EDAR: variants seen among roughly 807,000 people sequenced by gnomAD.
EDAR encodes ectodysplasin A receptor, also known as tumor necrosis factor receptor superfamily member EDAR.
EDAR carries 38 observed loss-of-function variants against 51.3 expected under a neutral mutation model. The observed-to-expected ratio is 0.74, with a 90% CI of 0.57 to 0.97. The LOEUF is 0.97. Ranked by LOEUF, EDAR falls within the 50% of genes least tolerant of loss-of-function variation. The pLI, the probability that EDAR is intolerant of heterozygous loss-of-function variation, is 0.00. For synonymous variants in EDAR, 227 were observed against 242.1 expected, an observed-to-expected ratio of 0.94 and a Z score of 0.58; for missense variants, 528 against 595.0, an observed-to-expected ratio of 0.89 and a Z score of 1.17.
chr2:108,948,439 C>G (rs1558826628), intron 1 of EDAR, among the ~76,000 whole-genome samples: 1 of 152,184 alleles, frequency 6.6e-6, no homozygotes, highest in Non-Finnish European at 1.5e-5. Context: ...TCTACCAGTA[C>G]CAATTCTCTG....
intron 1 of EDAR, among the ~76,000 whole-genome samples, chr2:108,987,922 T>C (rs1255876965): frequency 1.3e-5 from 2 of 152,258 alleles, no homozygotes; most frequent in African/African-American, 2.4e-5. Flanking sequence ...TTCTCTATTT[T>C]AGATGCCTGG....
intron 1 of EDAR, among the ~76,000 whole-genome samples, chr2:108,939,597 G>T (rs1697549962): frequency 7.3e-6 from 1 of 137,872 alleles, no homozygotes; most frequent in Admixed American, 7.2e-5. Context: ...CTGGGAGGAG[G>T]AGAACATGTC....
At chr2:108,941,631 G>A (rs6757507) in intron 1 of EDAR, among the ~76,000 whole-genome samples, 3,601 of 152,292 alleles carry the variant, frequency 0.024, 79 homozygotes, top group African/African-American at 0.057. Flanking sequence ...CCTTGGCCCA[G>A]AGGCACCCAG....
At chr2:108,906,495 G>A (rs1001585061) in intron 10 of EDAR, 127 bp from the exon 11 acceptor site, 25 of 959,566 alleles carry the variant, frequency 2.6e-5, no homozygotes, top group Admixed American at 3.9e-5. Flanking sequence ...CACAGCCCCC[G>A]TGTCAGCAGC....
chr2:108,903,940 T>G (rs1027659782), intron 11 of EDAR, among the ~76,000 whole-genome samples: 12 of 152,148 alleles, frequency 7.9e-5, no homozygotes, highest in African/African-American at 2.9e-4. Flanking sequence ...AAGAAAACTT[T>G]ATAATTAGTT....
intron 1 of EDAR, among the ~76,000 whole-genome samples, chr2:108,934,894 TC>T (rs1275869586): frequency 6.6e-6 from 1 of 152,190 alleles, no homozygotes; most frequent in African/African-American, 2.4e-5. Context: ...AAATGTCTCT[TC>T]CCACCTGAGG....
chr2:108,969,621 T>C (rs1402551848), intron 1 of EDAR, among the ~76,000 whole-genome samples: 3 of 152,188 alleles, frequency 2.0e-5, no homozygotes. Context: ...TAATTTTTCA[T>C]TAAGTACAGG....
intron 1 of EDAR, among the ~76,000 whole-genome samples, chr2:108,954,265 T>C (rs925377406): frequency 2.0e-5 from 3 of 152,200 alleles, no homozygotes; most frequent in African/African-American, 7.2e-5. Context: ...CAGATTGTGG[T>C]GTGTGGGCAG....
intron 1 of EDAR, among the ~76,000 whole-genome samples, chr2:108,940,571 C>T (rs1697575306): frequency 6.6e-6 from 1 of 152,272 alleles, no homozygotes; most frequent in African/African-American, 2.4e-5. Context: ...TGAGAGCAGC[C>T]AGGCTCTCTG....
intron 6 of EDAR, among the ~76,000 whole-genome samples, chr2:108,911,910 T>A (rs115525884): frequency 1.3e-5 from 2 of 152,340 alleles, no homozygotes; most frequent in African/African-American, 4.8e-5. Flanking sequence ...GGGGAATACC[T>A]GTAATAGCGT....
chr2:108,908,828 C>T (rs1227833198), intron 9 of EDAR, among the ~76,000 whole-genome samples: 2 of 152,204 alleles, frequency 1.3e-5, no homozygotes, highest in Admixed American at 6.5e-5. Context: ...AACTAGGTTA[C>T]AGCAGTGAAG....
chr2:108,981,828 CAT>C (rs200892846), intron 1 of EDAR, among the ~76,000 whole-genome samples: 3,481 of 152,326 alleles, frequency 0.023, 51 homozygotes, highest in Non-Finnish European at 0.037. Flanking sequence ...TTACTCTGCA[CAT>C]GTGTGAAGCA....
chr2:108,919,797 A>C (rs1346806806), intron 5 of EDAR, among the ~76,000 whole-genome samples: 1 of 152,150 alleles, frequency 6.6e-6, no homozygotes, highest in East Asian at 1.9e-4. Context: ...CTCTCCCCGC[A>C]CTACGAAGCT....
intron 1 of EDAR, among the ~76,000 whole-genome samples, chr2:108,976,776 C>G (rs899717400): frequency 6.6e-6 from 1 of 152,086 alleles, no homozygotes; most frequent in East Asian, 1.9e-4. Flanking sequence ...GTTTGTGTGT[C>G]CCTTAGACAT....
chr2:108,980,886 G>A (rs1177375569), intron 1 of EDAR, among the ~76,000 whole-genome samples: 1 of 152,140 alleles, frequency 6.6e-6, no homozygotes, highest in Admixed American at 6.6e-5. Context: ...CCGTGTAGCT[G>A]CCCCTTAACT....
In EDAR at chr2:108,979,171, C is replaced by A. The variant is rs576086779; in HGVS notation, c.-19+9789G>T. Among the ~76,000 whole-genome samples the A allele has an allele frequency of 5.9e-5, 9 of 152,294 alleles. No homozygotes were observed. The South Asian group carries it at 1.9e-3, about 32-fold the overall frequency. ...CTCACTGTGTTTCTCCATCCACTGC[C>A]CGAGTACTTGACCCTTACTTAAGGA... is the stretch of plus-strand genomic sequence containing the variant. On this transcript the variant is annotated intron_variant, in intron 1 of 11. Transcript: ENST00000258443.
At chr2:108,966,471 G>A (rs879775532) in intron 1 of EDAR, among the ~76,000 whole-genome samples, 11 of 152,174 alleles carry the variant, frequency 7.2e-5, no homozygotes, top group Non-Finnish European at 1.0e-4. Context: ...CTCATCTCGC[G>A]GGCCCCGGTG....
rs79648056 is a variant in EDAR, at chr2:108,908,001, G to A, written c.822C>T (p.Ser274=). 48 of 1,609,662 alleles carry A rather than the reference G, an allele frequency of 3.0e-5. No homozygotes were observed. Among genetic ancestry groups the A allele is most frequent in the African/African-American group, 1.6e-4 (12 of 74,828 alleles). Residue 274 remains serine (S), a synonymous_variant, in exon 10 of 12, where the codon TCC becomes TCT. Coordinates refer to ENST00000258443, the MANE Select transcript of EDAR (RefSeq NM_022336.4). Reference sequence around the variant, plus strand: ...TCCGGCTCAGCAGCTGCTCATTCTCGGATGAGGCATCGTTCTCGCTGCAAA... The same window carrying A: ...TCCGGCTCAGCAGCTGCTCATTCTCAGATGAGGCATCGTTCTCGCTGCAAA... ...KPTKSENDAS[S]ENEQLLSRSV... is the part of the protein sequence containing the mutation.
intron 2 of EDAR, 55 bp from the exon 3 acceptor site, chr2:108,930,297 C>T: frequency 1.9e-6 from 3 of 1,612,584 alleles, no homozygotes; most frequent in Non-Finnish European, 2.5e-6. Context: ...ACACATGTGA[C>T]TCCTGCAAGA....
Sources: gnomAD v4.1 joint callset for allele counts (sites outside exome capture counted in the v4.1 genomes callset) on GRCh38, gnomAD v4.1.1 for gene constraint, MANE v1.5 for transcripts, NCBI Gene and HGNC (gene_info 2026-07-23, HGNC 2026-07-21) for gene names.